The following FUT8 variants were observed in gnomAD, a reference collection of about 807,000 sequenced individuals.
FUT8 encodes the protein alpha-(1,6)-fucosyltransferase.
In FUT8, 29 loss-of-function variants were observed where a neutral mutation model predicts 71.3. That is an observed-to-expected ratio of 0.41 (90% CI 0.30 to 0.55). The LOEUF is 0.55. Ranked by LOEUF, FUT8 falls within the 20% of genes least tolerant of loss-of-function variation. FUT8 has a pLI of 0.34. For synonymous variants in FUT8, 254 were observed against 239.3 expected (o/e 1.06, Z -0.57); for missense variants, 544 against 702.1 (o/e 0.77, Z 2.55).
At chr14:65,520,567 A>G (rs984016240) in intron 2 of FUT8, among the ~76,000 whole-genome samples, 1 of 152,150 alleles carries the variant, frequency 6.6e-6, no homozygotes, top group Non-Finnish European at 1.5e-5. Context: ...CATTCTATAC[A>G]TAGTTTGCTC....
intron 2 of FUT8, among the ~76,000 whole-genome samples, chr14:65,469,815 T>G (rs1301983601): frequency 2.6e-5 from 4 of 152,212 alleles, no homozygotes; most frequent in African/African-American, 9.6e-5. Flanking sequence ...CTGCTCTGGC[T>G]GATCTCGGGG....
intron 1 of FUT8, among the ~76,000 whole-genome samples, chr14:65,432,393 C>CTT (rs5809274): frequency 6.3e-4 from 91 of 144,376 alleles, no homozygotes; most frequent in South Asian, 8.9e-4. Context: ...TTCTACTTTC[C>CTT]TTTTTTTTTT....
chr14:65,703,141 A>T lies in FUT8; in HGVS notation c.836-18634A>T, dbSNP rs1894392457. 2.0e-5 allele frequency among the ~76,000 whole-genome samples: 3 copies of T among 152,330 alleles called. No homozygotes were observed. The South Asian group carries it at 6.2e-4, about 32-fold the overall frequency. ...AAGTTCTAAAGAAAGTTGTCATGAT[A>T]CTGTCTTTGTTTTAAGCTCAAATGA... On this transcript the variant is annotated intron_variant, in intron 7 of 10. Transcript: ENST00000673929.
rs141061550 is a variant in FUT8, at chr14:65,558,998, G to A, written c.-227-2339G>A. ...AATCTCTTAGATATTTTTGGTAATG[G>A]TTTATAAAAAATGGAAAGTATTTTT... is the stretch of plus-strand genomic sequence containing the variant. On this transcript the variant is annotated intron_variant, in intron 2 of 10. Transcript: ENST00000673929. 1.4e-4 allele frequency among the ~76,000 whole-genome samples: 21 copies of A among 152,096 alleles called. No homozygotes were observed. The East Asian group carries it at 3.7e-3, about 27-fold the overall frequency.
intron 1 of FUT8, among the ~76,000 whole-genome samples, chr14:65,434,643 A>G (rs538308740): frequency 3.6e-4 from 55 of 152,346 alleles, no homozygotes; most frequent in African/African-American, 1.3e-3. Flanking sequence ...GGGAACTAGA[A>G]TTTAAGAATT....
chr14:65,581,668 T>C lies in FUT8; in HGVS notation c.203+19902T>C, dbSNP rs571202600. Among the ~76,000 whole-genome samples, 4 of 152,304 alleles carry C rather than the reference T, an allele frequency of 2.6e-5. No individual in the cohort carries two copies. The South Asian group carries it at 8.3e-4, about 32-fold the overall frequency. On this transcript the variant is annotated intron_variant, in intron 3 of 10. Coordinates refer to ENST00000673929, the MANE Select transcript of FUT8 (RefSeq NM_001371533.1). ...TGTAAATTTTAAATATAATTTACTT[T>C]ATCCATTCCAGTCGTGTCCAGTTAA... is the stretch of plus-strand genomic sequence containing the variant.
intron 1 of FUT8, among the ~76,000 whole-genome samples, chr14:65,425,034 A>G (rs1307639113): frequency 6.6e-6 from 1 of 152,086 alleles, no homozygotes; most frequent in Non-Finnish European, 1.5e-5. Context: ...CCTCCCCCAA[A>G]TTTATCAACA....
chr14:65,676,394 G>A (rs1039595803), intron 7 of FUT8, among the ~76,000 whole-genome samples: 3 of 152,104 alleles, frequency 2.0e-5, no homozygotes, highest in African/African-American at 7.2e-5. Context: ...GGGTGTCTGG[G>A]CCACATAGCC....
chr14:65,538,834 T>C lies in FUT8; in HGVS notation c.-227-22503T>C, dbSNP rs145089715. On this transcript the variant is annotated intron_variant, in intron 2 of 10. Transcript: ENST00000673929. ...ACTCAGGAGGCTGAGGCAGGAGAAT[T>C]GCTTGAACCCTGGAGGTGGAGGTTG... 4.1e-3 allele frequency among the ~76,000 whole-genome samples: 623 copies of C among 152,138 alleles called. 16 individuals carry two copies. The East Asian group carries it at 0.075, about 18-fold the overall frequency.
At chr14:65,435,656 T>G (rs2065544545) in intron 1 of FUT8, among the ~76,000 whole-genome samples, 1 of 152,194 alleles carries the variant, frequency 6.6e-6, no homozygotes, top group African/African-American at 2.4e-5. Flanking sequence ...ATGGTAAGCA[T>G]ATGTGTAATT....
chr14:65,615,992 C>T lies in FUT8; in HGVS notation c.218C>T (p.Pro73Leu), dbSNP rs889906302. The change falls in exon 4 of 11, where the codon CCT becomes CTT. Residue 73 changes from proline (P) to leucine (L), a missense_variant. Coordinates refer to ENST00000673929, the MANE Select transcript of FUT8 (RefSeq NM_001371533.1). ...CTAAACTACAGGATACCAGAAGGCCCTATTGATCAGGGGCCAGCTATAGGA... is the reference window on the plus strand; with the variant it reads ...CTAAACTACAGGATACCAGAAGGCCTTATTGATCAGGGGCCAGCTATAGGA... The part of the protein sequence containing the change: ...MAESLRIPEG[P>L]IDQGPAIGRV... The T allele has an allele frequency of 6.2e-7, 1 of 1,613,010 alleles. No homozygotes were observed. Among genetic ancestry groups the T allele is most frequent in the Non-Finnish European group, 8.5e-7 (1 of 1,179,332 alleles).
rs575642592 is a variant in FUT8, at chr14:65,594,973, C to T, written c.204-21005C>T. Reference sequence around the variant, plus strand: ...TGAGAAACAACCAATTGGGAGAGAGCGGGCACACAGGGATGGAAGTTTTCA... The same window carrying T: ...TGAGAAACAACCAATTGGGAGAGAGTGGGCACACAGGGATGGAAGTTTTCA... On this transcript the variant is annotated intron_variant, in intron 3 of 10. Coordinates refer to ENST00000673929, the MANE Select transcript of FUT8 (RefSeq NM_001371533.1). 9.2e-5 allele frequency among the ~76,000 whole-genome samples: 14 copies of T among 152,130 alleles called. No homozygotes were observed. The South Asian group carries it at 1.2e-3, about 14-fold the overall frequency.
chr14:65,639,817 C>T (rs1890744769), intron 6 of FUT8, among the ~76,000 whole-genome samples: 2 of 151,964 alleles, frequency 1.3e-5, no homozygotes, highest in Non-Finnish European at 2.9e-5. Context: ...GAAGCAAATC[C>T]CAGACATTTT....
At chr14:65,377,909 C>T in the FUT8 span, among the ~76,000 whole-genome samples, 1 of 152,096 alleles carries the variant, frequency 6.6e-6, no homozygotes, top group Admixed American at 6.6e-5. Context: ...GAATAAGTGA[C>T]TTGAATTTAT....
intron 1 of FUT8, among the ~76,000 whole-genome samples, chr14:65,424,263 G>A (rs74956023): frequency 0.022 from 3,417 of 152,260 alleles, 128 homozygotes; most frequent in African/African-American, 0.078. Flanking sequence ...ACAACAGGAG[G>A]TGGCTACAAA....
chr14:65,377,828 GA>G, the FUT8 span, among the ~76,000 whole-genome samples: 1 of 152,130 alleles, frequency 6.6e-6, no homozygotes, highest in Non-Finnish European at 1.5e-5. Context: ...ATTAAACAAT[GA>G]TAGGGTGATG....
intron 3 of FUT8, among the ~76,000 whole-genome samples, chr14:65,569,133 TA>T (rs1441048853): frequency 6.6e-6 from 1 of 151,702 alleles, no homozygotes; most frequent in Non-Finnish European, 1.5e-5. Context: ...TGGCTGAGTT[TA>T]CTTTTTTTTT....
chr14:65,449,496 C>T (rs1253375034), intron 1 of FUT8, among the ~76,000 whole-genome samples: 1 of 152,124 alleles, frequency 6.6e-6, no homozygotes, highest in Non-Finnish European at 1.5e-5. Context: ...ATATCAATAT[C>T]AACACTACAG....
upstream of FUT8, chr14:65,412,029 C>T (rs758249967): frequency 1.1e-5 from 5 of 456,610 alleles, no homozygotes; most frequent in Admixed American, 2.4e-5. Flanking sequence ...TCTCCCCTCT[C>T]CCCGTGCTGT....
Sources: allele counts gnomAD v4.1 joint callset (sites outside exome capture counted in the v4.1 genomes callset), GRCh38; gene constraint gnomAD v4.1.1; transcripts MANE v1.5; gene names NCBI Gene and HGNC (gene_info 2026-07-23, HGNC 2026-07-21).